Variants in LRP1B observed in about 807,000 individuals in gnomAD.
LRP1B encodes the protein low-density lipoprotein receptor-related protein 1B.
In LRP1B, 217 loss-of-function variants were observed where a neutral mutation model predicts 556.6. The observed-to-expected ratio is 0.39, with a 90% CI of 0.35 to 0.44. The LOEUF is 0.44. Among genes scored for constraint, LRP1B ranks in the 20% least tolerant of loss-of-function variants. The pLI, the probability that LRP1B is intolerant of heterozygous loss-of-function variation, is 1.00. For missense variants in LRP1B, 5,053 were observed against 5,620.8 expected (o/e 0.90, Z 3.23); for synonymous variants, 2,047 against 1,865.8 (o/e 1.10, Z -2.50).
intron 11 of LRP1B, 131 bp from the exon 12 acceptor site, chr2:141,020,233 G>T: frequency 1.9e-6 from 1 of 527,222 alleles, no homozygotes; most frequent in Non-Finnish European, 3.0e-6. Context: ...AAATCTTTAT[G>T]GTGTAATTTT....
intron 86 of LRP1B, chr2:140,269,228 G>T (rs1431428263): frequency 2.1e-6 from 1 of 468,734 alleles, no homozygotes; most frequent in Non-Finnish European, 4.4e-6. Flanking sequence ...CTGAAATGAT[G>T]TCACACGAAG....
intron 32 of LRP1B, among the ~76,000 whole-genome samples, chr2:140,792,471 A>G (rs1257678999): frequency 6.6e-6 from 1 of 152,148 alleles, no homozygotes; most frequent in Non-Finnish European, 1.5e-5. Context: ...AATAAGACAC[A>G]CTGCTCCTGG....
intron 18 of LRP1B, among the ~76,000 whole-genome samples, chr2:140,980,089 C>A (rs1254039933): frequency 6.6e-6 from 1 of 151,270 alleles, no homozygotes; most frequent in Admixed American, 6.6e-5. Flanking sequence ...CAGGTCTTGC[C>A]CTAGGCCTAT....
intron 7 of LRP1B, among the ~76,000 whole-genome samples, chr2:141,164,092 T>C (rs1680149046): frequency 6.6e-6 from 1 of 152,046 alleles, no homozygotes; most frequent in Admixed American, 6.6e-5. Flanking sequence ...TGACAGAGAA[T>C]TTAAATATGG....
chr2:140,313,254 G>T (rs1467133232), intron 83 of LRP1B, among the ~76,000 whole-genome samples: 1 of 151,790 alleles, frequency 6.6e-6, no homozygotes, highest in African/African-American at 2.4e-5. Context: ...CATTACTAAT[G>T]AGAACTAATT....
chr2:141,057,502 G>A lies in LRP1B; in HGVS notation c.1408+1381C>T, dbSNP rs372494917. On this transcript the variant is annotated intron_variant, in intron 9 of 90. Coordinates refer to ENST00000389484, the MANE Select transcript of LRP1B (RefSeq NM_018557.3). ...CCCAAATCTCATCTTGAATTCCCAC[G>A]TGTTGTTGGGGGGGACCCAGTAGGA... 1.3e-4 allele frequency among the ~76,000 whole-genome samples: 19 copies of A among 151,876 alleles called. No individual in the cohort carries two copies. The East Asian group carries it at 3.1e-3, about 25-fold the overall frequency.
At chr2:140,528,629 G>T (rs1690544866) in intron 47 of LRP1B, among the ~76,000 whole-genome samples, 1 of 151,870 alleles carries the variant, frequency 6.6e-6, no homozygotes, top group African/African-American at 2.4e-5. Flanking sequence ...TCCACATATT[G>T]CATTATTTGG....
intron 43 of LRP1B, among the ~76,000 whole-genome samples, chr2:140,562,854 G>C (rs1055506662): frequency 6.6e-6 from 1 of 151,942 alleles, no homozygotes; most frequent in South Asian, 2.1e-4. Context: ...GGCCTCAAAC[G>C]ATCTGTCTGC....
intron 7 of LRP1B, among the ~76,000 whole-genome samples, chr2:141,088,541 C>T (rs1471283113): frequency 6.6e-6 from 1 of 152,024 alleles, no homozygotes; most frequent in Non-Finnish European, 1.5e-5. Context: ...TTTGTGTGTT[C>T]GGGGCCACAG....
At chr2:141,252,440 C>G (rs1287529630) in intron 4 of LRP1B, among the ~76,000 whole-genome samples, 2 of 152,106 alleles carry the variant, frequency 1.3e-5, no homozygotes, top group Non-Finnish European at 2.9e-5. Context: ...TAACAGCCAG[C>G]AATCATGGAT....
At chr2:141,066,801 TTGAAG>T (rs1699492948) in intron 7 of LRP1B, among the ~76,000 whole-genome samples, 1 of 151,908 alleles carries the variant, frequency 6.6e-6, no homozygotes, top group African/African-American at 2.4e-5. Flanking sequence ...CAAGATTTTT[TTGAAG>T]TGAAGTTAAA....
chr2:141,668,628 A>G (rs1037712301), intron 2 of LRP1B, among the ~76,000 whole-genome samples: 1 of 152,120 alleles, frequency 6.6e-6, no homozygotes, highest in East Asian at 1.9e-4. Context: ...CTCCCTGTCC[A>G]TCTCACTGAG....
chr2:141,799,447 T>C (rs942989610), intron 2 of LRP1B, among the ~76,000 whole-genome samples: 4 of 152,100 alleles, frequency 2.6e-5, no homozygotes, highest in Non-Finnish European at 4.4e-5. Context: ...CCAAGACATG[T>C]AGATTGCTTT....
intron 46 of LRP1B, among the ~76,000 whole-genome samples, chr2:140,534,366 C>T (rs76793127): frequency 1.8e-4 from 28 of 152,182 alleles, no homozygotes; most frequent in East Asian, 9.7e-4. Flanking sequence ...TGATTCATTC[C>T]GGGAGATCTT....
At chr2:140,916,556 T>A (rs1018916823) in intron 21 of LRP1B, among the ~76,000 whole-genome samples, 5 of 152,180 alleles carry the variant, frequency 3.3e-5, no homozygotes, top group Admixed American at 3.3e-4. Context: ...TGCTAAAAGA[T>A]CACTTGTCAT....
At chr2:140,244,547 ACT>A (rs1251394941) in intron 87 of LRP1B, among the ~76,000 whole-genome samples, 1 of 151,174 alleles carries the variant, frequency 6.6e-6, no homozygotes, top group Non-Finnish European at 1.5e-5. Context: ...TGAGTTTAAA[ACT>A]CTTCAAAATA....
intron 7 of LRP1B, among the ~76,000 whole-genome samples, chr2:141,167,031 T>C (rs893648655): frequency 5.3e-5 from 8 of 151,950 alleles, no homozygotes; most frequent in African/African-American, 1.9e-4. Context: ...GAAACACGTT[T>C]ACTTAGGAAA....
intron 2 of LRP1B, among the ~76,000 whole-genome samples, chr2:141,481,451 T>G (rs184906251): frequency 6.6e-6 from 1 of 152,200 alleles, no homozygotes; most frequent in African/African-American, 2.4e-5. Flanking sequence ...TGACATAGAT[T>G]ATTGCAACAG....
At chr2:141,336,185 G>A (rs1173867095) in intron 3 of LRP1B, among the ~76,000 whole-genome samples, 1 of 151,200 alleles carries the variant, frequency 6.6e-6, no homozygotes, top group East Asian at 2.0e-4. Flanking sequence ...GGAAATGGTA[G>A]GGTGACTCTG....
Sources: gnomAD v4.1 joint callset for allele counts (sites outside exome capture counted in the v4.1 genomes callset) on GRCh38, gnomAD v4.1.1 for gene constraint, MANE v1.5 for transcripts, NCBI Gene and HGNC (gene_info 2026-07-23, HGNC 2026-07-21) for gene names.